TSHR: variants seen among roughly 807,000 people sequenced by gnomAD.
The protein encoded by TSHR is thyroid stimulating hormone receptor.
A neutral mutation model predicts 64.1 loss-of-function variants in TSHR; 51 were observed. The observed-to-expected ratio is 0.80, with a 90% CI of 0.64 to 1.01. The LOEUF (loss-of-function observed/expected upper bound fraction) is 1.01, where lower values mean the gene tolerates loss of function less well. Among genes scored for constraint, TSHR ranks in the 50% least tolerant of loss-of-function variants. TSHR has a pLI of 0.00. For synonymous variants in TSHR, 361 were observed against 361.9 expected (o/e 1.00, Z 0.03); for missense variants, 877 against 942.8 (o/e 0.93, Z 0.91).
At position 81,144,179 on chromosome 14, in the gene TSHR, G is replaced by A. The variant is rs768578293; in HGVS notation, c.2121G>A (p.Arg707=). The change falls in exon 10 of 10, where the codon CGG becomes CGA. Residue 707 remains arginine (R), a synonymous_variant. Coordinates refer to ENST00000298171, the MANE Select transcript of TSHR (RefSeq NM_000369.5). ...GTAAACGCCAGGCTCAGGCATACCG[G>A]GGGCAGAGGGTTCCTCCAAAGAACA... ...GICKRQAQAY[R]GQRVPPKNST... is the part of the protein sequence containing the mutation. The A allele has an allele frequency of 8.7e-6, 14 of 1,613,924 alleles. No homozygotes were observed. The East Asian group carries it at 2.9e-4, about 33-fold the overall frequency.
chr14:81,120,035 G>C (rs1427677612), intron 8 of TSHR, among the ~76,000 whole-genome samples: 23 of 107,076 alleles, frequency 2.1e-4, no homozygotes, highest in Non-Finnish European at 2.8e-4. Flanking sequence ...GTTGTGGGGT[G>C]GGGGGAGGGG....
chr14:81,084,924 A>C (rs1014167922), intron 3 of TSHR, among the ~76,000 whole-genome samples: 1 of 152,030 alleles, frequency 6.6e-6, no homozygotes, highest in Non-Finnish European at 1.5e-5. Context: ...AATAGGTTTT[A>C]CTAGTTGCAT....
chr14:81,051,057 C>G (rs946774560), intron 1 of TSHR: 1 of 155,152 alleles, frequency 6.4e-6, no homozygotes, highest in East Asian at 1.8e-4. Flanking sequence ...TGGAGTCAAT[C>G]TTCTCATACC....
At chr14:81,086,535 C>A (rs1054298851) in intron 3 of TSHR, among the ~76,000 whole-genome samples, 2 of 152,146 alleles carry the variant, frequency 1.3e-5, no homozygotes, top group African/African-American at 4.8e-5. Flanking sequence ...ATTTTAGAGC[C>A]CTAACTATGT....
intron 9 of TSHR, among the ~76,000 whole-genome samples, chr14:81,142,433 A>G (rs1196200570): frequency 1.3e-5 from 2 of 151,942 alleles, no homozygotes; most frequent in South Asian, 4.2e-4. Flanking sequence ...TGCAGAAGAG[A>G]AATAAGACCA....
intron 1 of TSHR, among the ~76,000 whole-genome samples, chr14:81,017,016 G>A (rs965793054): frequency 1.3e-5 from 2 of 152,200 alleles, no homozygotes; most frequent in African/African-American, 4.8e-5. Flanking sequence ...GAACAGCAAG[G>A]GGATGAGGAA....
At chr14:81,023,711 C>A (rs974356819) in intron 1 of TSHR, among the ~76,000 whole-genome samples, 2 of 152,150 alleles carry the variant, frequency 1.3e-5, no homozygotes, top group African/African-American at 4.8e-5. Flanking sequence ...TCTTGTACAA[C>A]CAAAAGATTG....
chr14:81,143,126 T>C lies in TSHR; in HGVS notation c.1068T>C (p.Phe356=). The part of the protein sequence containing the change: ...THNNAHYYVF[F]EEQEDEIIGF... Reference sequence around the variant, plus strand: ...ACAACGCTCATTATTACGTCTTCTTTGAAGAACAAGAGGATGAGATCATTG... The same window carrying C: ...ACAACGCTCATTATTACGTCTTCTTCGAAGAACAAGAGGATGAGATCATTG... Residue 356 remains phenylalanine (F), a synonymous_variant, in exon 10 of 10, where the codon TTT becomes TTC. Transcript: ENST00000298171. 1 of 1,614,162 alleles carries C rather than the reference T, an allele frequency of 6.2e-7. No homozygotes were observed. Among genetic ancestry groups the C allele is most frequent in the Non-Finnish European group, 8.5e-7 (1 of 1,180,038 alleles).
At chr14:81,064,514 A>G (rs1204061455) in intron 2 of TSHR, among the ~76,000 whole-genome samples, 1 of 152,168 alleles carries the variant, frequency 6.6e-6, no homozygotes, top group African/African-American at 2.4e-5. Flanking sequence ...TTCAGCCCCT[A>G]CTATGTGCCA....
intron 1 of TSHR, chr14:81,050,620 C>T (rs1724808058): frequency 6.6e-6 from 1 of 152,170 alleles, no homozygotes; most frequent in African/African-American, 2.4e-5. Context: ...ATCTTCATAG[C>T]AACTCCATGT....
intron 1 of TSHR, among the ~76,000 whole-genome samples, chr14:81,032,319 G>A (rs1010428275): frequency 4.6e-5 from 7 of 152,118 alleles, no homozygotes; most frequent in African/African-American, 1.7e-4. Flanking sequence ...TTGAGGGAAG[G>A]TGTCAAATGC....
intron 1 of TSHR, among the ~76,000 whole-genome samples, chr14:81,002,796 TTTTTTTTTTTTATCTTTTTTTTTTTTTTC>T: frequency 8.3e-5 from 3 of 36,294 alleles, no homozygotes; most frequent in East Asian, 2.7e-3. Context: ...TTTTTTTTTT[TTTTTTTTTTTTATCTTTTTTTTTTTTTTC>T]TTTTTTTATT....
At chr14:80,960,481 A>G (rs990101404) in intron 1 of TSHR, among the ~76,000 whole-genome samples, 2 of 152,188 alleles carry the variant, frequency 1.3e-5, no homozygotes, top group Non-Finnish European at 2.9e-5. Flanking sequence ...TCCCATACAT[A>G]TGAAACACTG....
At chr14:81,122,625 A>G (rs1890850665) in intron 8 of TSHR, among the ~76,000 whole-genome samples, 1 of 152,148 alleles carries the variant, frequency 6.6e-6, no homozygotes, top group East Asian at 1.9e-4. Flanking sequence ...AAGAAAGCCA[A>G]ATCCTCATCT....
rs180959526 is a variant in TSHR at position 81,028,246 on chromosome 14, C to T, written c.171-33902C>T. 3.7e-3 allele frequency among the ~76,000 whole-genome samples: 566 copies of T among 152,118 alleles called. 5 individuals carry two copies. The highest frequency in any genetic ancestry group is 0.013 in the African/African-American group (540 of 41,500). On this transcript the variant is annotated intron_variant, in intron 1 of 9. Transcript: ENST00000298171. ...ACAAAGTGTAATGAACTTATCCTTCCAGGAATGCTGGTTTACATCACATAA... is the reference window on the plus strand; with the variant it reads ...ACAAAGTGTAATGAACTTATCCTTCTAGGAATGCTGGTTTACATCACATAA...
intron 1 of TSHR, among the ~76,000 whole-genome samples, chr14:80,970,501 T>G (rs1024385540): frequency 6.6e-6 from 1 of 152,200 alleles, no homozygotes; most frequent in Admixed American, 6.5e-5. Flanking sequence ...CTCCAAAACT[T>G]TAAGAGCCTG....
intron 1 of TSHR, among the ~76,000 whole-genome samples, chr14:81,061,412 G>A (rs1886229107): frequency 6.6e-6 from 1 of 152,122 alleles, no homozygotes. Context: ...ATCAGTGACA[G>A]ATTGGATAAA....
At chr14:81,064,399 G>T (rs377338551) in intron 2 of TSHR, among the ~76,000 whole-genome samples, 3 of 152,154 alleles carry the variant, frequency 2.0e-5, no homozygotes, top group Non-Finnish European at 4.4e-5. Context: ...GGGTCAGGGG[G>T]TATGTTAGGA....
intron 3 of TSHR, among the ~76,000 whole-genome samples, chr14:81,070,625 CAAAAAAAAAAAA>C (rs60958301): frequency 5.1e-4 from 8 of 15,824 alleles, no homozygotes; most frequent in Non-Finnish European, 9.1e-4. Flanking sequence ...GATTCCATCT[CAAAAAAAAAAAA>C]AAAAAAAAAA....
Sources: allele counts gnomAD v4.1 joint callset (sites outside exome capture counted in the v4.1 genomes callset), GRCh38; gene constraint gnomAD v4.1.1; transcripts MANE v1.5; gene names NCBI Gene and HGNC (gene_info 2026-07-23, HGNC 2026-07-21).